The following CHRNB2 variants were observed in gnomAD, a reference collection of about 807,000 sequenced individuals.
CHRNB2 encodes cholinergic receptor nicotinic beta 2 subunit.
Under a neutral mutation model 42.7 loss-of-function variants are expected in CHRNB2, and 33 were observed. The observed-to-expected ratio is 0.77, with a 90% confidence interval of 0.59 to 1.03. CHRNB2 has a LOEUF of 1.03. Ranked by LOEUF, CHRNB2 falls within the 50% of genes least tolerant of loss-of-function variation. The probability of loss-of-function intolerance (pLI) is 0.00; values close to 1 mark genes in which losing one functional copy is unlikely to be tolerated. For synonymous variants in CHRNB2, 325 were observed against 292.9 expected (o/e 1.11, Z -1.12); for missense variants, 603 against 700.9 (o/e 0.86, Z 1.58).
intron 3 of CHRNB2, 34 bp from the exon 4 acceptor site, chr1:154,570,224 C>T (rs201635721): frequency 2.1e-6 from 3 of 1,460,648 alleles, no homozygotes; most frequent in Non-Finnish European, 2.9e-6. Flanking sequence ...ACCCAGGGCA[C>T]AAGTTGGTAC....
intron 2 of CHRNB2, 87 bp from the exon 3 acceptor site, chr1:154,569,704 CT>C: frequency 6.2e-7 from 1 of 1,612,514 alleles, no homozygotes; most frequent in East Asian, 2.2e-5. Context: ...GTTTCCAAGG[CT>C]TGGGGAGGTG....
rs1370346413 is a variant in CHRNB2 at position 154,572,265 on chromosome 1, G to T, written c.1338+104G>T. On this transcript the variant is annotated intron_variant, in intron 5 of 5. Transcript: ENST00000368476. ...CTATAGACATGCAGAGGTAGTAGGA[G>T]TGTAGGGGAGGAAAATGTGAGTCAG... 4.6e-6 allele frequency: 7 copies of T among 1,512,272 alleles called. No homozygotes were observed. The East Asian group carries it at 1.2e-4, about 27-fold the overall frequency. 93.7% of individuals were successfully genotyped at this position (1,512,272 alleles called of 1,614,324 possible).
intron 5 of CHRNB2, among the ~76,000 whole-genome samples, chr1:154,573,874 G>A (rs1381535652): frequency 1.3e-5 from 2 of 152,052 alleles, no homozygotes; most frequent in Non-Finnish European, 2.9e-5. Flanking sequence ...TCAGCCTCCC[G>A]AGTAGCTGGG....
rs868235334 is a variant in CHRNB2, at chr1:154,571,716, G to T, written c.893G>T (p.Gly298Val). Reference sequence around the variant, plus strand: ...ACCTCCCTCGACGTGCCGCTCGTCGGCAAGTACCTCATGTTCACCATGGTG... The same window carrying T: ...ACCTCCCTCGACGTGCCGCTCGTCGTCAAGTACCTCATGTTCACCATGGTG... ...PPTSLDVPLV[G>V]KYLMFTMVLV... Residue 298 changes from glycine (G) to valine (V), a missense_variant, in exon 5 of 6, where the codon GGC (glycine) becomes GTC (valine). Coordinates refer to ENST00000368476, the MANE Select transcript of CHRNB2 (RefSeq NM_000748.3). The surrounding 1 kb of genome is among the most constrained non-coding windows in gnomAD (Gnocchi z 6.8). 1 of 1,614,202 alleles carries T rather than the reference G, an allele frequency of 6.2e-7. No individual in the cohort carries two copies.
chr1:154,571,620 T>C lies in CHRNB2; in HGVS notation c.797T>C (p.Met266Thr), dbSNP rs113672425. ...FYLPSDCGEK[M>T]TLCISVLLAL... is the part of the protein sequence containing the mutation. The stretch of plus-strand genomic sequence containing the variant: ...CTGCCATCCGACTGTGGCGAGAAGA[T>C]GACGTTGTGCATCTCAGTGCTGCTG... The change falls in exon 5 of 6, where the codon ATG becomes ACG. Residue 266 changes from methionine to threonine, a missense_variant. This residue lies in a region of CHRNB2 where 333 missense variants were observed against 452.6 expected (regional missense o/e 0.74). Transcript: ENST00000368476. This position sits in a 1 kb window ranked among gnomAD's most constrained non-coding sequence, Gnocchi z 6.8. 1 of 1,614,136 alleles carries C rather than the reference T, an allele frequency of 6.2e-7. No homozygotes were observed. The highest frequency in any genetic ancestry group is 1.7e-5 in the Admixed American group (1 of 60,012).
At chr1:154,573,873 C>G (rs1386362096) in intron 5 of CHRNB2, among the ~76,000 whole-genome samples, 1 of 152,152 alleles carries the variant, frequency 6.6e-6, no homozygotes, top group Non-Finnish European at 1.5e-5. Flanking sequence ...CTCAGCCTCC[C>G]GAGTAGCTGG....
In CHRNB2 at chr1:154,569,830, G is replaced by C; in HGVS notation, c.249G>C (p.Leu83=). ...REQIMTTNVW[L]TQEWEDYRLT... ...AGATCATGACCACCAATGTCTGGCT[G>C]ACCCAGGTAAGCGTAAGTGCTCTCT... Residue 83 remains leucine (L), a synonymous_variant, in exon 3 of 6, where the codon CTG becomes CTC. Transcript: ENST00000368476. The C allele has an allele frequency of 6.2e-7, 1 of 1,614,096 alleles. No homozygotes were observed. Among genetic ancestry groups the C allele is most frequent in the Non-Finnish European group, 8.5e-7 (1 of 1,180,014 alleles).
intron 5 of CHRNB2, among the ~76,000 whole-genome samples, chr1:154,573,996 C>T (rs968669780): frequency 1.3e-5 from 2 of 152,154 alleles, no homozygotes; most frequent in African/African-American, 2.4e-5. Context: ...GTGATCCACC[C>T]GCCTCAGTCT....
Position 154,571,097 on chromosome 1 carries a change from CT to C in CHRNB2, c.366-91del, listed in dbSNP as rs1174831741. 2 of 1,609,078 alleles carry C rather than the reference CT, an allele frequency of 1.2e-6. No homozygotes were observed. The highest frequency in any genetic ancestry group is 1.7e-6 in the Non-Finnish European group (2 of 1,179,846). ...GGGTGTCCCCTCCCCATGTCTCCCT[CT>C]GGTTTTGCTCTCCTCCCATTAGGGG... On this transcript the variant is annotated intron_variant, in intron 4 of 5. Coordinates refer to ENST00000368476, the MANE Select transcript of CHRNB2 (RefSeq NM_000748.3). This position sits in a 1 kb window ranked among gnomAD's most constrained non-coding sequence, Gnocchi z 6.8.
chr1:154,569,954 T>C, intron 3 of CHRNB2, 118 bp downstream of exon 3: 1 of 1,172,850 alleles, frequency 8.5e-7, no homozygotes. Flanking sequence ...GAGTTTGGAG[T>C]CCTAAACAAT....
In CHRNB2 at chr1:154,569,549, A is replaced by C. The variant is rs750797578; in HGVS notation, c.152A>C (p.Asn51Thr). 6.2e-7 allele frequency: 1 copy of C among 1,613,910 alleles called. No individual in the cohort carries two copies. Among genetic ancestry groups the C allele is most frequent in the African/African-American group, 1.3e-5 (1 of 74,878 alleles). ...RYNKLIRPAT[N>T]GSELVTVQLM... Reference sequence around the variant, plus strand: ...AACAAGCTTATCCGCCCAGCCACCAATGGCTCTGAGCTGGTGACAGTACAG... The same window carrying C: ...AACAAGCTTATCCGCCCAGCCACCACTGGCTCTGAGCTGGTGACAGTACAG... The change falls in exon 2 of 6, where the codon AAT (asparagine) becomes ACT (threonine). Residue 51 changes from asparagine (N) to threonine (T), a missense_variant. By Grantham distance (65) the Asn-to-Thr change is moderately conservative. This residue lies in a region of CHRNB2 where 333 missense variants were observed against 452.6 expected (regional missense o/e 0.74). Coordinates refer to ENST00000368476, the MANE Select transcript of CHRNB2 (RefSeq NM_000748.3).
chr1:154,568,209 A>G, intron 1 of CHRNB2, 101 bp downstream of exon 1: 3 of 1,389,286 alleles, frequency 2.2e-6, no homozygotes, highest in Non-Finnish European at 3.0e-6. Flanking sequence ...AGGTGGAAGA[A>G]GGGATTCCCT....
intron 2 of CHRNB2, 56 bp from the exon 3 acceptor site, chr1:154,569,736 G>A (rs577475507): frequency 1.4e-5 from 23 of 1,612,856 alleles, no homozygotes; most frequent in Middle Eastern, 3.3e-4. Context: ...CCTGGGTGGT[G>A]GCAGTGACCC....
rs111966549 is a variant in CHRNB2, at chr1:154,574,234, T to A, written c.1339-1528T>A. ...CCTTTATCCCAAATAATTCAGTGTGTCTCTCCTAAGAACAGGGACACTCTC... is the reference window on the plus strand; with the variant it reads ...CCTTTATCCCAAATAATTCAGTGTGACTCTCCTAAGAACAGGGACACTCTC... On this transcript the variant is annotated intron_variant, in intron 5 of 5. Transcript: ENST00000368476. Among the ~76,000 whole-genome samples the A allele has an allele frequency of 3.9e-3, 590 of 152,364 alleles. 5 individuals are homozygous for A. The highest frequency in any genetic ancestry group is 0.013 in the African/African-American group (555 of 41,580).
chr1:154,569,635 C>T (rs1557850845), intron 2 of CHRNB2, 28 bp downstream of exon 2: 4 of 1,614,014 alleles, frequency 2.5e-6, no homozygotes, highest in Non-Finnish European at 2.5e-6. Context: ...GCTCTCTGCC[C>T]AGCTACTGAA....
intron 5 of CHRNB2, among the ~76,000 whole-genome samples, chr1:154,574,846 T>TA (rs1427939218): frequency 6.6e-6 from 1 of 152,094 alleles, no homozygotes; most frequent in Admixed American, 6.5e-5. Flanking sequence ...GCTGACTAAA[T>TA]AAAGATGCTC....
Position 154,571,114 on chromosome 1 carries a change from C to A in CHRNB2, c.366-75C>A, listed in dbSNP as rs1455797605. 3 of 1,611,602 alleles carry A rather than the reference C, an allele frequency of 1.9e-6. No individual in the cohort carries two copies. Among genetic ancestry groups the A allele is most frequent in the Non-Finnish European group, 2.5e-6 (3 of 1,179,982 alleles). On this transcript the variant is annotated intron_variant, in intron 4 of 5. Transcript: ENST00000368476. The surrounding 1 kb of genome is among the most constrained non-coding windows in gnomAD (Gnocchi z 6.8). ...GTCTCCCTCTGGTTTTGCTCTCCTC[C>A]CATTAGGGGCTGGGTTGATGGGTAA... is the stretch of plus-strand genomic sequence containing the variant.
chr1:154,579,242 A>T lies in CHRNB2; in HGVS notation c.*3310A>T, dbSNP rs1696342814. ...GGGGACCTGGGGCTGTTTGTATCCC[A>T]GTATTAGCTCCTGTTACTAAGGGTC... On this transcript the variant is annotated 3_prime_UTR_variant, in exon 6 of 6. Coordinates refer to ENST00000368476, the MANE Select transcript of CHRNB2 (RefSeq NM_000748.3). 6.6e-6 allele frequency: 1 copy of T among 152,146 alleles called. No individual in the cohort carries two copies. Among genetic ancestry groups the T allele is most frequent in the South Asian group, 2.1e-4 (1 of 4,828 alleles). 9.4% of individuals were successfully genotyped at this position (152,146 alleles called of 1,614,324 possible). A position where few individuals can be genotyped will look rare whatever the true frequency, so the allele number is the denominator to read the frequency against.
At chr1:154,569,009 AC>A (rs1001976248) in intron 1 of CHRNB2, among the ~76,000 whole-genome samples, 2 of 151,644 alleles carry the variant, frequency 1.3e-5, no homozygotes, top group African/African-American at 4.8e-5. Context: ...GTCCCACCAC[AC>A]ATACACTTTC....
Sources: gnomAD v4.1 joint callset for allele counts (sites outside exome capture counted in the v4.1 genomes callset) on GRCh38, gnomAD v4.1.1 for gene constraint, gnomAD v4.1.1 regional missense constraint, Gnocchi (gnomAD v3.1) non-coding constraint, MANE v1.5 for transcripts, NCBI Gene and HGNC (gene_info 2026-07-23, HGNC 2026-07-21) for gene names.